ZNF804A: variants seen among roughly 807,000 people sequenced by gnomAD.
ZNF804A encodes the protein zinc finger protein 804A.
ZNF804A carries 2 observed loss-of-function variants against 16.5 expected under a neutral mutation model. That is an observed-to-expected ratio of 0.12 (90% confidence interval 0.05 to 0.38). The LOEUF (loss-of-function observed/expected upper bound fraction) is 0.38, where lower values mean the gene tolerates loss of function less well. Among genes scored for constraint, ZNF804A ranks in the 10% least tolerant of loss-of-function variants. The pLI is 0.99. For missense variants in ZNF804A, 1,473 were observed against 1,390.7 expected (o/e 1.06, Z -0.94); for synonymous variants, 534 against 489.6 (o/e 1.09, Z -1.20).
In ZNF804A at chr2:184,598,704, G is replaced by C. The variant is rs1334265436; in HGVS notation, c.-256G>C. 2 of 280,514 alleles carry C rather than the reference G, an allele frequency of 7.1e-6. No homozygotes were observed. Among genetic ancestry groups the C allele is most frequent in the Non-Finnish European group, 1.3e-5 (2 of 152,026 alleles). The allele number at this position is 280,514 out of a possible 1,614,324, so 17.4% of individuals were successfully genotyped here. A position where few individuals can be genotyped will look rare whatever the true frequency, so the allele number is the denominator to read the frequency against. On this transcript the variant is annotated 5_prime_UTR_variant, in exon 1 of 4. Transcript: ENST00000302277. Reference sequence around the variant, plus strand: ...AGGCTGGAATCCTCCCGCGGGGCTCGTCGTCCCGACGCGAATCTGAGGAGA... The same window carrying C: ...AGGCTGGAATCCTCCCGCGGGGCTCCTCGTCCCGACGCGAATCTGAGGAGA...
At chr2:184,680,172 G>T (rs564011968) in intron 1 of ZNF804A, among the ~76,000 whole-genome samples, 146 of 152,024 alleles carry the variant, frequency 9.6e-4, no homozygotes, top group African/African-American at 3.5e-3. Flanking sequence ...CCTTTGGAGA[G>T]AACTACCCAC....
intron 1 of ZNF804A, among the ~76,000 whole-genome samples, chr2:184,677,931 G>T (rs1692465762): frequency 6.6e-6 from 1 of 151,996 alleles, no homozygotes; most frequent in African/African-American, 2.4e-5. Context: ...AGGCTGTAAT[G>T]TTAAATAATT....
chr2:184,604,432 C>T (rs1691108058), intron 1 of ZNF804A, among the ~76,000 whole-genome samples: 1 of 151,954 alleles, frequency 6.6e-6, no homozygotes, highest in Non-Finnish European at 1.5e-5. Flanking sequence ...CTCAGCCTCC[C>T]AAATTGCTGG....
At chr2:184,678,925 T>C (rs555961724) in intron 1 of ZNF804A, among the ~76,000 whole-genome samples, 7 of 152,244 alleles carry the variant, frequency 4.6e-5, no homozygotes, top group Non-Finnish European at 7.4e-5. Flanking sequence ...TACAGAGATA[T>C]GATAAACACA....
At chr2:184,731,187 G>T (rs1462010857) in intron 1 of ZNF804A, among the ~76,000 whole-genome samples, 2 of 129,134 alleles carry the variant, frequency 1.5e-5, no homozygotes, top group Non-Finnish European at 3.2e-5. Flanking sequence ...GGAGGCAGAG[G>T]TTGCAGTGAG....
rs193115350 is a variant in ZNF804A, at chr2:184,683,830, G to T, written c.111+84760G>T. On this transcript the variant is annotated intron_variant, in intron 1 of 3. Coordinates refer to ENST00000302277, the MANE Select transcript of ZNF804A (RefSeq NM_194250.2). Reference sequence around the variant, plus strand: ...GCAAAAAATTCAATTTATGTTGGTTGTAATAATGTCAGCTTTCTTATCATA... The same window carrying T: ...GCAAAAAATTCAATTTATGTTGGTTTTAATAATGTCAGCTTTCTTATCATA... Among the ~76,000 whole-genome samples, 512 of 152,192 alleles carry T rather than the reference G, an allele frequency of 3.4e-3. 1 individual carries two copies. The highest frequency in any genetic ancestry group is 5.3e-3 in the Admixed American group (81 of 15,296).
At chr2:184,646,976 G>A (rs1182572121) in intron 1 of ZNF804A, among the ~76,000 whole-genome samples, 1 of 152,192 alleles carries the variant, frequency 6.6e-6, no homozygotes, top group South Asian at 2.1e-4. Context: ...CTGAGGTAAC[G>A]TAGACAATCA....
chr2:184,753,541 G>A (rs1213310338), intron 1 of ZNF804A, among the ~76,000 whole-genome samples: 1 of 151,734 alleles, frequency 6.6e-6, no homozygotes, highest in Non-Finnish European at 1.5e-5. Context: ...GTCTTGGATG[G>A]CCTGTGATAC....
intron 2 of ZNF804A, among the ~76,000 whole-genome samples, chr2:184,930,937 A>T (rs1685688513): frequency 6.6e-6 from 1 of 152,208 alleles, no homozygotes; most frequent in Admixed American, 6.5e-5. Context: ...AAGAGGTTTG[A>T]CTCACAGTTC....
chr2:184,879,320 G>A (rs528624865), intron 2 of ZNF804A, among the ~76,000 whole-genome samples: 1 of 152,050 alleles, frequency 6.6e-6, no homozygotes, highest in Non-Finnish European at 1.5e-5. Context: ...ATGTAAAATA[G>A]ACTTCTTTAT....
intron 2 of ZNF804A, among the ~76,000 whole-genome samples, chr2:184,911,312 C>T (rs72893061): frequency 0.051 from 7,733 of 151,874 alleles, 258 homozygotes; most frequent in Middle Eastern, 0.078. Context: ...GTTTGCTCTT[C>T]GGTTCCATTT....
intron 2 of ZNF804A, among the ~76,000 whole-genome samples, chr2:184,915,602 T>C (rs568380523): frequency 6.6e-5 from 10 of 152,266 alleles, no homozygotes; most frequent in African/African-American, 2.2e-4. Flanking sequence ...ATGAGACACT[T>C]CTGATCCAGC....
At chr2:184,727,432 T>C (rs2105745712) in intron 1 of ZNF804A, among the ~76,000 whole-genome samples, 1 of 151,772 alleles carries the variant, frequency 6.6e-6, no homozygotes, top group African/African-American at 2.4e-5. Context: ...AGGAATGAAA[T>C]GGACTCCTAC....
intron 2 of ZNF804A, among the ~76,000 whole-genome samples, chr2:184,927,205 G>C (rs1685625563): frequency 6.6e-6 from 1 of 152,196 alleles, no homozygotes; most frequent in African/African-American, 2.4e-5. Flanking sequence ...TCTACATTAG[G>C]GGGCACCCCA....
chr2:184,840,374 ACT>A (rs1470421869), intron 1 of ZNF804A, among the ~76,000 whole-genome samples: 1 of 151,864 alleles, frequency 6.6e-6, no homozygotes, highest in African/African-American at 2.4e-5. Flanking sequence ...ACAGAGTGAG[ACT>A]CTGTCTCAAA....
intron 1 of ZNF804A, among the ~76,000 whole-genome samples, chr2:184,640,397 C>G (rs1691775737): frequency 6.6e-6 from 1 of 151,882 alleles, no homozygotes; most frequent in African/African-American, 2.4e-5. Context: ...TATGACTTCA[C>G]TGATGAATTC....
intron 1 of ZNF804A, among the ~76,000 whole-genome samples, chr2:184,826,986 G>T (rs1407490965): frequency 6.6e-6 from 1 of 151,792 alleles, no homozygotes; most frequent in Admixed American, 6.6e-5. Context: ...TTTATCGTGT[G>T]TATTAAATCT....
chr2:184,783,111 T>TA (rs1053149025), intron 1 of ZNF804A, among the ~76,000 whole-genome samples: 12 of 139,554 alleles, frequency 8.6e-5, no homozygotes, highest in Non-Finnish European at 1.6e-4. Context: ...ATTTTTCAAT[T>TA]AAAAAAAGAA....
At position 184,937,630 on chromosome 2, in the gene ZNF804A, T is replaced by C. The variant is rs754515241; in HGVS notation, c.2234T>C (p.Met745Thr). 5.0e-6 allele frequency: 8 copies of C among 1,613,774 alleles called. No homozygotes were observed. In the Admixed American group the frequency reaches 1.2e-4, roughly 24 times the overall value. ...AGAAGCTTAGTTCTTCAAAATGATATGAAACACATGAGTCAGAATCAGGCT... is the reference window on the plus strand; with the variant it reads ...AGAAGCTTAGTTCTTCAAAATGATACGAAACACATGAGTCAGAATCAGGCT... ...DHRSLVLQND[M>T]KHMSQNQAVK... Residue 745 changes from methionine (M) to threonine (T), a missense_variant, in exon 4 of 4, where the codon ATG (methionine) becomes ACG (threonine). By Grantham distance (81) the Met-to-Thr change is moderately conservative. Coordinates refer to ENST00000302277, the MANE Select transcript of ZNF804A (RefSeq NM_194250.2).
Sources: allele counts gnomAD v4.1 joint callset (sites outside exome capture counted in the v4.1 genomes callset), GRCh38; gene constraint gnomAD v4.1.1; transcripts MANE v1.5; gene names NCBI Gene and HGNC (gene_info 2026-07-23, HGNC 2026-07-21).